The following DIAPH2 variants were observed in gnomAD, a reference collection of about 807,000 sequenced individuals.
The protein encoded by DIAPH2 is diaphanous related formin 2, also known as protein diaphanous homolog 2.
A neutral mutation model predicts 92.7 loss-of-function variants in DIAPH2; 35 were observed. The ratio of observed to expected loss-of-function variants is 0.38; its 90% CI spans 0.29 to 0.50. The LOEUF is 0.50. Among genes scored for constraint, DIAPH2 ranks in the 20% least tolerant of loss-of-function variants. DIAPH2 has a pLI of 0.94. For synonymous variants in DIAPH2, 301 were observed against 280.4 expected, an observed-to-expected ratio of 1.07 and a Z score of -0.73; for missense variants, 701 against 819.5, an observed-to-expected ratio of 0.86 and a Z score of 1.77.
At position 97,185,500 on chromosome X, in the gene DIAPH2, T is replaced by C. The variant is rs1330987394; in HGVS notation, c.2719+43706T>C. Among the ~76,000 whole-genome samples, 54 of 57,712 alleles carry C rather than the reference T, an allele frequency of 9.4e-4. 3 individuals are homozygous for C. Among genetic ancestry groups the C allele is most frequent in the African/African-American group, 3.5e-3 (53 of 15,101 alleles). The allele number at this position is 57,712 out of a possible 115,157, so 50.1% of individuals were successfully genotyped here. ...ATATATATATATATATATATATATA[T>C]ATATATATATATATATATATCTCAC... On this transcript the variant is annotated intron_variant, in intron 22 of 26. Transcript: ENST00000324765.
chrX:96,871,700 T>G (rs2065144403), intron 4 of DIAPH2, among the ~76,000 whole-genome samples: 1 of 111,465 alleles, frequency 9.0e-6, no homozygotes, highest in Non-Finnish European at 1.9e-5. Flanking sequence ...AGGAAACCAA[T>G]CATATTAAAA....
At chrX:97,333,604 G>T (rs1315723086) in intron 23 of DIAPH2, among the ~76,000 whole-genome samples, 4 of 107,773 alleles carry the variant, frequency 3.7e-5, no homozygotes, top group African/African-American at 1.0e-4. Flanking sequence ...TCACTCTGTC[G>T]CTCAGGCTGG....
chrX:96,805,503 C>T (rs998344328), intron 4 of DIAPH2, among the ~76,000 whole-genome samples: 1 of 110,177 alleles, frequency 9.1e-6, no homozygotes, highest in Non-Finnish European at 1.9e-5. Context: ...TTTAGGTGGT[C>T]AAAACTAAAT....
At position 96,967,505 on chromosome X, in the gene DIAPH2, C is replaced by T. The variant is rs755012585; in HGVS notation, c.2050+2298C>T. Reference sequence around the variant, plus strand: ...CGCGATCTTGGCTCACTGCAACCTCCGCCTCCCGAGTTCAAGCAATTCTCC... The same window carrying T: ...CGCGATCTTGGCTCACTGCAACCTCTGCCTCCCGAGTTCAAGCAATTCTCC... On this transcript the variant is annotated intron_variant, in intron 17 of 26. Coordinates refer to ENST00000324765, the MANE Select transcript of DIAPH2 (RefSeq NM_006729.5). Among the ~76,000 whole-genome samples, 58 of 109,768 alleles carry T rather than the reference C, an allele frequency of 5.3e-4. 1 individual carries two copies. The highest frequency in any genetic ancestry group is 1.6e-3 in the African/African-American group (48 of 30,200).
chrX:97,230,134 A>G (rs2067998907), intron 22 of DIAPH2, among the ~76,000 whole-genome samples: 1 of 110,868 alleles, frequency 9.0e-6, no homozygotes, highest in Admixed American at 9.7e-5. Flanking sequence ...GAGTTAAAGC[A>G]GTATTATGGT....
At chrX:97,237,936 G>C (rs1481505162) in intron 22 of DIAPH2, among the ~76,000 whole-genome samples, 2 of 112,388 alleles carry the variant, frequency 1.8e-5, no homozygotes, top group Non-Finnish European at 3.8e-5. Context: ...ACTTTATCCA[G>C]CATTGCTTTA....
intron 26 of DIAPH2, among the ~76,000 whole-genome samples, chrX:97,499,633 A>ATATGAAT (rs2070781641): frequency 8.9e-6 from 1 of 111,936 alleles, no homozygotes; most frequent in African/African-American, 3.2e-5. Context: ...TTCTATGAAA[A>ATATGAAT]AGACACCTGT....
chrX:97,114,788 A>G lies in DIAPH2; in HGVS notation c.2412A>G (p.Glu804=). The part of the protein sequence containing the change: ...LSSILFKLTF[E]EHINNIKPSI... ...GTATCCTGTTCAAGCTCACATTTGA[A>G]GAACACATAAACAACATCAAACCAA... The change falls in exon 21 of 27, where the codon GAA becomes GAG. Residue 804 remains glutamate (E), a synonymous_variant. Transcript: ENST00000324765. 2 of 1,211,079 alleles carry G rather than the reference A, an allele frequency of 1.7e-6. No homozygotes were observed. Among genetic ancestry groups the G allele is most frequent in the Non-Finnish European group, 2.2e-6 (2 of 894,896 alleles).
At chrX:96,755,731 G>A (rs918106416) in intron 3 of DIAPH2, among the ~76,000 whole-genome samples, 112 of 109,052 alleles carry the variant, frequency 1.0e-3, no homozygotes, top group African/African-American at 3.8e-3. Context: ...AAAAAAAATA[G>A]AATGCTCAGA....
At chrX:97,367,974 G>A (rs1377369486) in intron 24 of DIAPH2, among the ~76,000 whole-genome samples, 1 of 112,202 alleles carries the variant, frequency 8.9e-6, no homozygotes, top group Non-Finnish European at 1.9e-5. Flanking sequence ...GCCTCCCAAA[G>A]TGCTGGGATT....
chrX:97,196,705 G>A (rs377110952), intron 22 of DIAPH2, among the ~76,000 whole-genome samples: 2 of 111,564 alleles, frequency 1.8e-5, no homozygotes, highest in African/African-American at 6.5e-5. Flanking sequence ...TTTCTATATT[G>A]AGAGTGTATA....
chrX:96,897,987 G>C (rs2065359106), intron 5 of DIAPH2, among the ~76,000 whole-genome samples: 1 of 85,037 alleles, frequency 1.2e-5, no homozygotes, highest in Non-Finnish European at 2.3e-5. Context: ...TTGGTTTTTT[G>C]TTCTTGCGAT....
intron 26 of DIAPH2, among the ~76,000 whole-genome samples, chrX:97,494,684 C>G (rs1385491354): frequency 2.7e-5 from 3 of 112,126 alleles, no homozygotes; most frequent in African/African-American, 9.7e-5. Flanking sequence ...CCTCTCAAAC[C>G]TTTTCTATGA....
intron 7 of DIAPH2, among the ~76,000 whole-genome samples, chrX:96,915,601 C>T (rs928656253): frequency 4.5e-5 from 5 of 110,204 alleles, no homozygotes; most frequent in African/African-American, 1.3e-4. Flanking sequence ...AATTTTGCTC[C>T]GATGAAATAT....
intron 1 of DIAPH2, among the ~76,000 whole-genome samples, chrX:96,702,298 A>G (rs1237982893): frequency 8.9e-6 from 1 of 111,838 alleles, no homozygotes; most frequent in Non-Finnish European, 1.9e-5. Flanking sequence ...TACCTCTGAA[A>G]TTCTTCATGT....
chrX:96,835,240 A>G (rs1420394105), intron 4 of DIAPH2, among the ~76,000 whole-genome samples: 2 of 112,004 alleles, frequency 1.8e-5, no homozygotes, highest in East Asian at 2.8e-4. Flanking sequence ...GGGAATAACA[A>G]CAAAACCAAC....
chrX:97,021,356 G>A (rs186835134), intron 17 of DIAPH2, among the ~76,000 whole-genome samples: 13 of 111,341 alleles, frequency 1.2e-4, no homozygotes, highest in African/African-American at 3.3e-4. Flanking sequence ...ATGCTACCAC[G>A]CCCTGCTCCT....
intron 22 of DIAPH2, among the ~76,000 whole-genome samples, chrX:97,236,138 A>C (rs1266220060): frequency 1.8e-5 from 2 of 111,578 alleles, no homozygotes; most frequent in Admixed American, 1.9e-4. Flanking sequence ...CACTGATCTC[A>C]ACAACCTGCA....
At chrX:97,281,471 G>A (rs1023527168) in intron 23 of DIAPH2, among the ~76,000 whole-genome samples, 1 of 111,082 alleles carries the variant, frequency 9.0e-6, no homozygotes, top group African/African-American at 3.3e-5. Context: ...GAGGCCGGGC[G>A]CAGTGGCTCA....
Sources: gnomAD v4.1 joint callset for allele counts (sites outside exome capture counted in the v4.1 genomes callset) on GRCh38, gnomAD v4.1.1 for gene constraint, MANE v1.5 for transcripts, NCBI Gene and HGNC (gene_info 2026-07-23, HGNC 2026-07-21) for gene names.